The following UACA variants were observed in gnomAD, a reference collection of about 807,000 sequenced individuals.
UACA encodes nuclear membrane binding protein.
In UACA, 112 loss-of-function variants were observed where a neutral mutation model predicts 160.5. The ratio of observed to expected loss-of-function variants is 0.70; its 90% CI spans 0.60 to 0.82. The LOEUF (loss-of-function observed/expected upper bound fraction) is 0.82, where lower values mean the gene tolerates loss of function less well. Ranked by LOEUF, UACA falls within the 40% of genes least tolerant of loss-of-function variation. UACA has a pLI of 0.00. For missense variants in UACA, 1,574 were observed against 1,614.6 expected, an observed-to-expected ratio of 0.97 and a Z score of 0.43; for synonymous variants, 557 against 568.4, an observed-to-expected ratio of 0.98 and a Z score of 0.29.
In UACA at chr15:70,684,375, T is replaced by C. The variant is rs754294636; in HGVS notation, c.674A>G (p.Asp225Gly). ...AVEVLIKNGA[D>G]ISLLDALGHD... ...GCCAAGCGCATCCAGCAAGCTTATA[T>C]CAGCACCATTTTTAATTAAGACTTC... The change falls in exon 8 of 19, where the codon GAT (aspartate) becomes GGT (glycine). Residue 225 changes from aspartate to glycine, a missense_variant. Coordinates refer to ENST00000322954, the MANE Select transcript of UACA (RefSeq NM_018003.4). 1 of 1,613,836 alleles carries C rather than the reference T, an allele frequency of 6.2e-7. No individual in the cohort carries two copies. Among genetic ancestry groups the C allele is most frequent in the Non-Finnish European group, 8.5e-7 (1 of 1,179,826 alleles).
intron 5 of UACA, 109 bp from the exon 6 acceptor site, chr15:70,687,929 G>C: frequency 1.0e-6 from 1 of 1,002,106 alleles, no homozygotes; most frequent in South Asian, 1.5e-5. Flanking sequence ...AAATTACCAA[G>C]CTTCACGTCC....
chr15:70,666,810 G>T lies in UACA; in HGVS notation c.3874C>A (p.Arg1292=). ...IEQEIKDQKE[R]CDKSLTTITE... ...ATTGTTGTTAAGGACTTATCACATC[G>T]TTCCTTCTGATCCTTAATTTCTTGC... The change falls in exon 16 of 19, where the codon CGA becomes AGA. Residue 1292 remains arginine, a synonymous_variant. Transcript: ENST00000322954. 1 of 1,613,610 alleles carries T rather than the reference G, an allele frequency of 6.2e-7. No individual in the cohort carries two copies. Among genetic ancestry groups the T allele is most frequent in the Non-Finnish European group, 8.5e-7 (1 of 1,179,888 alleles).
intron 9 of UACA, 48 bp downstream of exon 9, chr15:70,682,710 T>A: frequency 8.1e-7 from 1 of 1,233,700 alleles, no homozygotes; most frequent in South Asian, 1.9e-5. Flanking sequence ...CTAAGCACTT[T>A]AAACTATACA....
chr15:70,671,537 C>A (rs1214610304), intron 14 of UACA: 1 of 157,996 alleles, frequency 6.3e-6, no homozygotes, highest in African/African-American at 2.4e-5. Context: ...TTTAACATTG[C>A]AGAATAAAAA....
At chr15:70,698,665 T>C (rs1898219130) in intron 2 of UACA, among the ~76,000 whole-genome samples, 1 of 152,228 alleles carries the variant, frequency 6.6e-6, no homozygotes. Context: ...TTTCTATATT[T>C]AGTATCTGGT....
chr15:70,663,250 A>G (rs530860123), intron 17 of UACA, among the ~76,000 whole-genome samples: 1 of 152,372 alleles, frequency 6.6e-6, no homozygotes, highest in East Asian at 1.9e-4. Context: ...CAAAAGACAC[A>G]TGAAAAAATG....
rs1002044207 is a variant in UACA at position 70,664,749 on chromosome 15, G to A, written c.4026C>T (p.Thr1342=). The change falls in exon 17 of 19, where the codon ACC becomes ACT. Residue 1342 remains threonine (T), a synonymous_variant. Transcript: ENST00000322954. ...TCTTGGTGGGGTTCCCACTTGTGTA[G>A]GTGAGTTGGGAAAGGCCATTGAGTG... is the stretch of plus-strand genomic sequence containing the variant. ...KQALNGLSQL[T]YTSGNPTKRQ... 2 of 1,613,530 alleles carry A rather than the reference G, an allele frequency of 1.2e-6. No individual in the cohort carries two copies. Among genetic ancestry groups the A allele is most frequent in the African/African-American group, 2.7e-5 (2 of 74,872 alleles).
chr15:70,767,587 CAA>C (rs74757385), upstream of UACA, among the ~76,000 whole-genome samples: 2 of 122,772 alleles, frequency 1.6e-5, no homozygotes. Flanking sequence ...GACTTCATCT[CAA>C]AAAAAAAAAA....
intron 8 of UACA, among the ~76,000 whole-genome samples, chr15:70,683,176 C>A (rs543588652): frequency 1.3e-5 from 2 of 151,828 alleles, no homozygotes; most frequent in South Asian, 4.2e-4. Flanking sequence ...GGCAACATAG[C>A]AAGACCCCAT....
intron 4 of UACA, 52 bp from the exon 5 acceptor site, chr15:70,690,563 A>C (rs1217966749): frequency 1.4e-6 from 2 of 1,411,788 alleles, no homozygotes; most frequent in African/African-American, 2.9e-5. Context: ...TTTTAAAATT[A>C]GATATCCAGA....
intron 16 of UACA, among the ~76,000 whole-genome samples, chr15:70,665,841 C>A (rs1024750535): frequency 1.3e-5 from 2 of 152,144 alleles, no homozygotes; most frequent in Non-Finnish European, 2.9e-5. Context: ...TCCACTGTAT[C>A]CCCAGCACAT....
chr15:70,657,021 AAGATAAAACAGATACTGGC>A lies in UACA; in HGVS notation c.*16_*34del. Reference sequence around the variant, plus strand: ...TGCACAAAGAATGTTCAGCACCAGCAAGATAAAACAGATACTGGCAGTCAGTGCTAACGGCTAGCACACA... The same window carrying A: ...TGCACAAAGAATGTTCAGCACCAGCAAGTCAGTGCTAACGGCTAGCACACA... On this transcript the variant is annotated 3_prime_UTR_variant, in exon 19 of 19. Transcript: ENST00000322954. 1 of 1,583,550 alleles carries A rather than the reference AAGATAAAACAGATACTGGC, an allele frequency of 6.3e-7. No homozygotes were observed. The highest frequency in any genetic ancestry group is 8.7e-7 in the Non-Finnish European group (1 of 1,152,336).
In UACA at chr15:70,655,071, C is replaced by T. The variant is rs762395038; in HGVS notation, c.*1985G>A. Reference sequence around the variant, plus strand: ...ACAGACAGTAAATAAAATAGTTTAACTCGCAAATCTTTTACAAGGATGTTC... The same window carrying T: ...ACAGACAGTAAATAAAATAGTTTAATTCGCAAATCTTTTACAAGGATGTTC... On this transcript the variant is annotated 3_prime_UTR_variant, in exon 19 of 19. Transcript: ENST00000322954. The T allele has an allele frequency of 6.6e-6, 1 of 152,122 alleles. No individual in the cohort carries two copies. The highest frequency in any genetic ancestry group is 2.4e-5 in the African/African-American group (1 of 41,422). 9.4% of individuals were successfully genotyped at this position (152,122 alleles called of 1,614,324 possible). A position where few individuals can be genotyped will look rare whatever the true frequency, so the allele number is the denominator to read the frequency against.
At chr15:70,659,391 G>GTTTTTTTTT (rs1375150038) in intron 18 of UACA, among the ~76,000 whole-genome samples, 10 of 9,958 alleles carry the variant, frequency 1.0e-3, no homozygotes, top group African/African-American at 1.5e-3. Context: ...TTCATTTTTT[G>GTTTTTTTTT]TTTGTTTTTT....
At chr15:70,662,046 A>G (rs1022755623) in intron 17 of UACA, among the ~76,000 whole-genome samples, 4 of 152,194 alleles carry the variant, frequency 2.6e-5, no homozygotes, top group African/African-American at 7.2e-5. Flanking sequence ...AAAGGTATTC[A>G]ATTAGGAAAA....
chr15:70,765,974 A>G (rs566001661), upstream of UACA, among the ~76,000 whole-genome samples: 83 of 152,372 alleles, frequency 5.4e-4, 1 homozygote, highest in African/African-American at 1.9e-3. Context: ...CATCCAAGTT[A>G]TCATAGTCCT....
chr15:70,750,597 T>C (rs1231540981), intron 1 of UACA, among the ~76,000 whole-genome samples: 1 of 152,162 alleles, frequency 6.6e-6, no homozygotes, highest in African/African-American at 2.4e-5. Context: ...CCAGGTGTGG[T>C]GGCTCACTCC....
chr15:70,713,611 A>G (rs1319109912), intron 1 of UACA, among the ~76,000 whole-genome samples: 1 of 152,158 alleles, frequency 6.6e-6, no homozygotes, highest in Non-Finnish European at 1.5e-5. Flanking sequence ...TTTATCGTAA[A>G]CATTTTTCAA....
intron 1 of UACA, among the ~76,000 whole-genome samples, chr15:70,742,520 T>C (rs910499629): frequency 2.0e-5 from 3 of 152,220 alleles, no homozygotes; most frequent in African/African-American, 7.2e-5. Context: ...ATGTTCCCAG[T>C]AATAAATTCC....
Sources: gnomAD v4.1 joint callset for allele counts (sites outside exome capture counted in the v4.1 genomes callset) on GRCh38, gnomAD v4.1.1 for gene constraint, MANE v1.5 for transcripts, NCBI Gene and HGNC (gene_info 2026-07-23, HGNC 2026-07-21) for gene names.